Variants in MCTP1 observed in about 807,000 individuals in gnomAD.
MCTP1 encodes the protein multiple C2 and transmembrane domain containing 1, also known as multiple C2 and transmembrane domain-containing protein 1.
A neutral mutation model predicts 120.6 loss-of-function variants in MCTP1; 69 were observed. The ratio of observed to expected loss-of-function variants is 0.57; its 90% CI spans 0.47 to 0.70. The LOEUF is 0.70. Among genes scored for constraint, MCTP1 ranks in the 30% least tolerant of loss-of-function variants. MCTP1 has a pLI of 0.00. For missense variants in MCTP1, 1,203 were observed against 1,248.8 expected (o/e 0.96, Z 0.55); for synonymous variants, 529 against 493.1 (o/e 1.07, Z -0.96).
intron 1 of MCTP1, among the ~76,000 whole-genome samples, chr5:95,218,366 T>C (rs966424109): frequency 5.3e-5 from 8 of 152,130 alleles, no homozygotes; most frequent in African/African-American, 1.9e-4. Flanking sequence ...GGAGAGTGAG[T>C]GAGGCTATTT....
At chr5:95,007,101 G>A (rs998285431) in intron 2 of MCTP1, among the ~76,000 whole-genome samples, 1 of 152,134 alleles carries the variant, frequency 6.6e-6, no homozygotes, top group Non-Finnish European at 1.5e-5. Context: ...TCACATGGTG[G>A]CAGGAAGAGG....
chr5:95,068,165 A>G (rs1751161370), intron 1 of MCTP1, among the ~76,000 whole-genome samples: 1 of 152,244 alleles, frequency 6.6e-6, no homozygotes, highest in Non-Finnish European at 1.5e-5. Flanking sequence ...ATTCAGCAAG[A>G]ATAGAAAATG....
intron 2 of MCTP1, among the ~76,000 whole-genome samples, chr5:94,993,633 G>A (rs1832040971): frequency 6.6e-6 from 1 of 152,104 alleles, no homozygotes; most frequent in African/African-American, 2.4e-5. Flanking sequence ...TAGTTTTGGG[G>A]CTCCTCTCCA....
intron 19 of MCTP1, among the ~76,000 whole-genome samples, chr5:94,744,341 T>C (rs1009563778): frequency 6.6e-6 from 1 of 152,174 alleles, no homozygotes; most frequent in Non-Finnish European, 1.5e-5. Context: ...AGCTGCCAGT[T>C]AGCAGCCTCT....
intron 18 of MCTP1, among the ~76,000 whole-genome samples, chr5:94,794,751 T>C (rs1468849447): frequency 6.6e-6 from 1 of 152,212 alleles, no homozygotes; most frequent in Non-Finnish European, 1.5e-5. Context: ...GCCTGATACA[T>C]AGAAATTGCT....
At chr5:94,971,555 T>G (rs897468717) in intron 2 of MCTP1, among the ~76,000 whole-genome samples, 1 of 152,218 alleles carries the variant, frequency 6.6e-6, no homozygotes, top group African/African-American at 2.4e-5. Context: ...TAGTGGATGC[T>G]TCTATAATCT....
rs535915418 is a variant in MCTP1, at chr5:95,090,153, A to T, written c.721-72669T>A. On this transcript the variant is annotated intron_variant, in intron 1 of 22. Transcript: ENST00000515393. The stretch of plus-strand genomic sequence containing the variant: ...AGAGAGCATGTTTTAAAATCGGACA[A>T]CCTAGGCATAAATTATGTCTCTGTC... 4.6e-5 allele frequency among the ~76,000 whole-genome samples: 7 copies of T among 152,340 alleles called. No individual in the cohort carries two copies. The South Asian group carries it at 1.5e-3, about 32-fold the overall frequency.
intron 19 of MCTP1, among the ~76,000 whole-genome samples, chr5:94,727,141 G>T (rs750959988): frequency 1.3e-5 from 2 of 152,158 alleles, no homozygotes; most frequent in Non-Finnish European, 2.9e-5. Flanking sequence ...GCTTAAAAGA[G>T]ATTTGTTGAT....
intron 1 of MCTP1, among the ~76,000 whole-genome samples, chr5:95,165,706 T>C (rs1393793508): frequency 7.2e-5 from 11 of 152,236 alleles, no homozygotes; most frequent in Non-Finnish European, 1.0e-4. Context: ...TCAACCATGA[T>C]ACACATTATC....
intron 1 of MCTP1, among the ~76,000 whole-genome samples, chr5:95,135,785 A>T (rs910070147): frequency 6.6e-6 from 1 of 152,206 alleles, no homozygotes; most frequent in Non-Finnish European, 1.5e-5. Flanking sequence ...CTTTATATAT[A>T]TGTGTCTGTC....
chr5:95,190,374 C>A, intron 1 of MCTP1, among the ~76,000 whole-genome samples: 1 of 152,082 alleles, frequency 6.6e-6, no homozygotes. Flanking sequence ...ATAAAGACAG[C>A]ATTTAATTAT....
At chr5:95,171,644 G>A (rs980191123) in intron 1 of MCTP1, among the ~76,000 whole-genome samples, 13 of 151,924 alleles carry the variant, frequency 8.6e-5, no homozygotes, top group Admixed American at 2.0e-4. Flanking sequence ...TTCTCTTCTC[G>A]CTTCATTTCA....
intron 1 of MCTP1, among the ~76,000 whole-genome samples, chr5:95,050,736 T>TAGCAAA (rs1745684999): frequency 6.6e-6 from 1 of 152,212 alleles, no homozygotes; most frequent in African/African-American, 2.4e-5. Flanking sequence ...AGTTAAATTA[T>TAGCAAA]ATCTCACAAA....
At position 94,710,849 on chromosome 5, in the gene MCTP1, G is replaced by A. The variant is rs772366855; in HGVS notation, c.2799C>T (p.Cys933=). Residue 933 remains cysteine, a synonymous_variant, in exon 21 of 23, where the codon TGC becomes TGT. Transcript: ENST00000515393. ...CAAGGACAATGTATCTCAGCGGAAT[G>A]CAGTACAGGATGGCTGTGAACACAC... ...ALCVFTAILY[C]IPLRYIVLVW... The A allele has an allele frequency of 1.3e-5, 21 of 1,612,764 alleles. No homozygotes were observed. The East Asian group carries it at 4.5e-4, about 34-fold the overall frequency.
rs375700609 is a variant in MCTP1 at position 94,759,177 on chromosome 5, A to G, written c.2610+19933T>C. ...TTGATGGAATTATCACCAGATCTCT[A>G]CAGACAAGGCATATCTATCAAACCA... On this transcript the variant is annotated intron_variant, in intron 19 of 22. Coordinates refer to ENST00000515393, the MANE Select transcript of MCTP1 (RefSeq NM_024717.7). Among the ~76,000 whole-genome samples the G allele has an allele frequency of 9.2e-5, 14 of 152,372 alleles. No homozygotes were observed. The East Asian group carries it at 2.7e-3, about 29-fold the overall frequency.
intron 6 of MCTP1, among the ~76,000 whole-genome samples, chr5:94,924,800 T>C (rs564370732): frequency 6.6e-6 from 1 of 152,194 alleles, no homozygotes; most frequent in Non-Finnish European, 1.5e-5. Flanking sequence ...ATGACAGTCA[T>C]GGGAAAGCAT....
At chr5:95,117,621 T>C (rs561898312) in intron 1 of MCTP1, among the ~76,000 whole-genome samples, 1 of 152,248 alleles carries the variant, frequency 6.6e-6, no homozygotes, top group East Asian at 1.9e-4. Context: ...CTCAAAGATC[T>C]AGAACCAGAA....
intron 1 of MCTP1, among the ~76,000 whole-genome samples, chr5:95,206,913 T>C (rs1282767229): frequency 6.6e-6 from 1 of 152,222 alleles, no homozygotes; most frequent in Non-Finnish European, 1.5e-5. Flanking sequence ...TAATTTAACA[T>C]TTATTAAATG....
intron 2 of MCTP1, among the ~76,000 whole-genome samples, chr5:94,993,183 C>T (rs1402622184): frequency 6.6e-6 from 1 of 152,044 alleles, no homozygotes; most frequent in Non-Finnish European, 1.5e-5. Context: ...GTAGTCATTG[C>T]CTTTGAGTAC....
Sources: allele counts gnomAD v4.1 joint callset (sites outside exome capture counted in the v4.1 genomes callset), GRCh38; gene constraint gnomAD v4.1.1; transcripts MANE v1.5; gene names NCBI Gene and HGNC (gene_info 2026-07-23, HGNC 2026-07-21).